LOC128462377: variants seen among roughly 807,000 people sequenced by gnomAD.
chr16:89,338,152 C>G, the LOC128462377 span, among the ~76,000 whole-genome samples: 48 of 152,214 alleles, frequency 3.2e-4, no homozygotes, highest in African/African-American at 1.1e-3. Flanking sequence ...GCCCCAAGCA[C>G]CCAGCTTCAG....
the LOC128462377 span, among the ~76,000 whole-genome samples, chr16:89,345,795 G>A: frequency 1.3e-5 from 2 of 152,186 alleles, no homozygotes; most frequent in Admixed American, 6.5e-5. Context: ...ACACCAGGCT[G>A]GGCTTCCTCT....
At chr16:89,319,420 A>G in the LOC128462377 span, among the ~76,000 whole-genome samples, 2 of 152,236 alleles carry the variant, frequency 1.3e-5, no homozygotes, top group Non-Finnish European at 2.9e-5. Context: ...CACGGCCTGC[A>G]TCACAGCGAA....
chr16:89,362,003 A>G, the LOC128462377 span, among the ~76,000 whole-genome samples: 3 of 152,286 alleles, frequency 2.0e-5, no homozygotes, highest in African/African-American at 7.2e-5. Context: ...AGGCAGGAGG[A>G]CCCTGAATTT....
At chr16:89,402,643 G>T in the LOC128462377 span, among the ~76,000 whole-genome samples, 2 of 150,572 alleles carry the variant, frequency 1.3e-5, no homozygotes, top group Admixed American at 6.6e-5. Flanking sequence ...GGGTGGGGGG[G>T]GCAGCACTGC....
the LOC128462377 span, among the ~76,000 whole-genome samples, chr16:89,385,623 C>T: frequency 6.6e-6 from 1 of 152,216 alleles, no homozygotes; most frequent in South Asian, 2.1e-4. Flanking sequence ...AACACACTCA[C>T]GATGATGCAT....
the LOC128462377 span, among the ~76,000 whole-genome samples, chr16:89,337,832 A>G: frequency 6.6e-6 from 1 of 152,188 alleles, no homozygotes; most frequent in Non-Finnish European, 1.5e-5. Context: ...GGCTGGAGTC[A>G]GCAATGCCTG....
chr16:89,384,896 TTTTTTTTTTTTG>T, the LOC128462377 span, among the ~76,000 whole-genome samples: 1 of 129,308 alleles, frequency 7.7e-6, no homozygotes, highest in African/African-American at 2.9e-5. Context: ...TTTTTTTTTT[TTTTTTTTTTTTG>T]AGACTACGTT....
the LOC128462377 span, among the ~76,000 whole-genome samples, chr16:89,406,402 GCT>G: frequency 6.6e-6 from 1 of 152,192 alleles, no homozygotes; most frequent in Non-Finnish European, 1.5e-5. Context: ...CAGCCGGCGC[GCT>G]CTGAGACTTG....
chr16:89,408,380 G>A, the LOC128462377 span, among the ~76,000 whole-genome samples: 20 of 152,258 alleles, frequency 1.3e-4, no homozygotes, highest in Admixed American at 3.3e-4. Flanking sequence ...AGAAAGGCCA[G>A]CATCAGCACC....
the LOC128462377 span, among the ~76,000 whole-genome samples, chr16:89,359,787 A>G: frequency 6.6e-6 from 1 of 152,214 alleles, no homozygotes; most frequent in Non-Finnish European, 1.5e-5. Context: ...ACTACATTCT[A>G]TGTGATGCAG....
chr16:89,385,988 C>A, the LOC128462377 span, among the ~76,000 whole-genome samples: 1 of 152,248 alleles, frequency 6.6e-6, no homozygotes, highest in African/African-American at 2.4e-5. Flanking sequence ...TCAAGCCGGC[C>A]TCCCGCTCAG....
chr16:89,380,341 AC>A, the LOC128462377 span, among the ~76,000 whole-genome samples: 11 of 152,094 alleles, frequency 7.2e-5, no homozygotes, highest in Non-Finnish European at 1.3e-4. Flanking sequence ...CAAACTCCTG[AC>A]CTCAGGTGAT....
chr16:89,356,971 T>C, the LOC128462377 span, among the ~76,000 whole-genome samples: 3 of 152,160 alleles, frequency 2.0e-5, no homozygotes, highest in South Asian at 6.2e-4. Context: ...GTGACCATCT[T>C]GGAGGGGTTG....
chr16:89,390,763 A>G, the LOC128462377 span, among the ~76,000 whole-genome samples: 13 of 152,160 alleles, frequency 8.5e-5, no homozygotes, highest in Non-Finnish European at 1.8e-4. Flanking sequence ...TTCAAAAACA[A>G]TGCTGCTGGT....
the LOC128462377 span, among the ~76,000 whole-genome samples, chr16:89,339,209 A>G: frequency 5.1e-3 from 775 of 152,364 alleles, 5 homozygotes; most frequent in African/African-American, 0.018. Context: ...TCCATTTTTC[A>G]GTCCATTATC....
At chr16:89,347,055 G>A in the LOC128462377 span, among the ~76,000 whole-genome samples, 4 of 152,144 alleles carry the variant, frequency 2.6e-5, no homozygotes, top group Non-Finnish European at 5.9e-5. Context: ...TCTGCTGGGC[G>A]AAAGGCCAGC....
At chr16:89,320,500 GGGCC>G in the LOC128462377 span, 1 of 152,236 alleles carries the variant, frequency 6.6e-6, no homozygotes, top group Non-Finnish European at 1.5e-5. Flanking sequence ...CAGAGCCGAG[GGGCC>G]GGCCAGCACC....
the LOC128462377 span, among the ~76,000 whole-genome samples, chr16:89,399,914 T>C: frequency 6.6e-6 from 1 of 152,178 alleles, no homozygotes; most frequent in Non-Finnish European, 1.5e-5. Flanking sequence ...GAAGGTCCAG[T>C]GCACCAGGAC....
the LOC128462377 span, among the ~76,000 whole-genome samples, chr16:89,414,768 C>A: frequency 6.6e-6 from 1 of 152,276 alleles, no homozygotes; most frequent in Non-Finnish European, 1.5e-5. Flanking sequence ...AGCCTAGAAT[C>A]CATCCAAGCT....
Sources: allele counts gnomAD v4.1 joint callset (sites outside exome capture counted in the v4.1 genomes callset), GRCh38; gene constraint gnomAD v4.1.1; transcripts MANE v1.5.